Variants in POLQ observed in about 807,000 individuals in gnomAD.
The protein encoded by POLQ is DNA polymerase theta, also known as epididymis secretory sperm binding protein.
POLQ carries 233 observed loss-of-function variants against 259.2 expected under a neutral mutation model. That is an observed-to-expected ratio of 0.90 (90% CI 0.81 to 1.00). POLQ has a LOEUF of 1.00. Ranked by LOEUF, POLQ falls within the 50% of genes least tolerant of loss-of-function variation. POLQ has a pLI of 0.00. For missense variants in POLQ, 2,871 were observed against 3,051.6 expected, an observed-to-expected ratio of 0.94 and a Z score of 1.39; for synonymous variants, 1,025 against 1,048.8, an observed-to-expected ratio of 0.98 and a Z score of 0.44.
At chr3:121,542,452 A>G (rs930931747) in intron 2 of POLQ, among the ~76,000 whole-genome samples, 2 of 152,204 alleles carry the variant, frequency 1.3e-5, no homozygotes, top group African/African-American at 2.4e-5. Context: ...CATATGGTAC[A>G]AAGGCCTAGA....
At chr3:121,476,485 C>T in intron 20 of POLQ, 55 bp downstream of exon 20, 1 of 1,246,700 alleles carries the variant, frequency 8.0e-7, no homozygotes. Flanking sequence ...CACACACACA[C>T]AATCATTTTA....
intron 7 of POLQ, among the ~76,000 whole-genome samples, chr3:121,526,221 C>G (rs1283761748): frequency 6.6e-6 from 1 of 152,124 alleles, no homozygotes; most frequent in Non-Finnish European, 1.5e-5. Flanking sequence ...AAAGGCAGTC[C>G]CTTACTGGCA....
At chr3:121,479,807 T>C (rs2047957081) in intron 19 of POLQ, among the ~76,000 whole-genome samples, 1 of 152,160 alleles carries the variant, frequency 6.6e-6, no homozygotes, top group Non-Finnish European at 1.5e-5. Flanking sequence ...GTAATGGTTT[T>C]AAGGTCAAAG....
chr3:121,528,915 G>A (rs1040297743), intron 7 of POLQ, among the ~76,000 whole-genome samples: 1 of 152,052 alleles, frequency 6.6e-6, no homozygotes, highest in African/African-American at 2.4e-5. Flanking sequence ...TCATGCCATT[G>A]TATTCCAGCC....
chr3:121,479,237 A>G (rs1234455132), intron 19 of POLQ, among the ~76,000 whole-genome samples: 2 of 152,008 alleles, frequency 1.3e-5, no homozygotes, highest in African/African-American at 4.8e-5. Context: ...TCAGGCCAGG[A>G]ATAGTGGCTC....
At chr3:121,477,266 C>T (rs1295424842) in intron 19 of POLQ, among the ~76,000 whole-genome samples, 1 of 152,194 alleles carries the variant, frequency 6.6e-6, no homozygotes, top group African/African-American at 2.4e-5. Context: ...CAACCACAGA[C>T]TGCCTACATG....
chr3:121,479,568 C>T (rs9832719), intron 19 of POLQ, among the ~76,000 whole-genome samples: 3 of 152,018 alleles, frequency 2.0e-5, no homozygotes, highest in East Asian at 1.9e-4. Flanking sequence ...ATTCTCGTGC[C>T]TCAGCCTCCT....
intron 6 of POLQ, among the ~76,000 whole-genome samples, chr3:121,531,956 G>A (rs1478138805): frequency 1.3e-5 from 2 of 152,106 alleles, no homozygotes; most frequent in African/African-American, 4.8e-5. Flanking sequence ...ATGACCCTTA[G>A]CTGTTTTAGT....
intron 11 of POLQ, 112 bp downstream of exon 11, chr3:121,509,927 A>T: frequency 2.0e-6 from 2 of 984,986 alleles, no homozygotes; most frequent in South Asian, 1.6e-5. Context: ...CTGCTCAAAA[A>T]ATCAAATTCC....
intron 2 of POLQ, among the ~76,000 whole-genome samples, chr3:121,544,013 T>C (rs2048510311): frequency 6.6e-6 from 1 of 151,844 alleles, no homozygotes; most frequent in Non-Finnish European, 1.5e-5. Flanking sequence ...ATAAAAATTT[T>C]ATATAAAGTA....
chr3:121,488,759 T>A lies in POLQ; in HGVS notation c.4172A>T (p.Asp1391Val), dbSNP rs2048036699. The A allele has an allele frequency of 6.2e-7, 1 of 1,613,880 alleles. No homozygotes were observed. The highest frequency in any genetic ancestry group is 1.7e-5 in the Admixed American group (1 of 59,996). ...TTTCATAGTACCTACAGTCTTAAGG[T>A]CCAAATGATCTATCTTAGTCGCTCC... ...PLGATKIDHL[D>V]LKTVGTMKQS... is the part of the protein sequence containing the mutation. The change falls in exon 16 of 30, where the codon GAC (aspartate) becomes GTC (valine). Residue 1391 changes from aspartate to valine, a missense_variant. Transcript: ENST00000264233.
chr3:121,495,715 G>A (rs1202630201), intron 14 of POLQ, among the ~76,000 whole-genome samples: 2 of 151,388 alleles, frequency 1.3e-5, no homozygotes, highest in African/African-American at 4.9e-5. Context: ...CGGGCGTGGT[G>A]CCGGGCACCT....
intron 12 of POLQ, among the ~76,000 whole-genome samples, chr3:121,501,452 G>A (rs1576418904): frequency 6.7e-6 from 1 of 149,744 alleles, no homozygotes; most frequent in Non-Finnish European, 1.5e-5. Flanking sequence ...GAGGTCAGGA[G>A]ATCGAGACCA....
In POLQ at chr3:121,487,773, G is replaced by A. The variant is rs139982859; in HGVS notation, c.5158C>T (p.Leu1720Phe). The stretch of plus-strand genomic sequence containing the variant: ...ATATTACTTTCTTTACGAGGTAAGA[G>A]GGATGAGGTTTCATCATGATTGGCA... ...NNANHDETSS[L>F]LPRKESNIVD... The change falls in exon 16 of 30, where the codon CTC becomes TTC. Residue 1720 changes from leucine (L) to phenylalanine (F), a missense_variant. Physicochemically the swap from Leu to Phe is conservative, Grantham distance 22 (BLOSUM62 0). Around this residue, in one of 3 missense-constraint regions of POLQ, gnomAD observed 2,080 missense variants for 2,126.0 expected, o/e 0.98. Transcript: ENST00000264233. The A allele has an allele frequency of 1.3e-3, 2,031 of 1,611,702 alleles. 3 individuals are homozygous for A. The highest frequency in any genetic ancestry group is 1.3e-3 in the Non-Finnish European group (1,508 of 1,178,614).
intron 9 of POLQ, among the ~76,000 whole-genome samples, chr3:121,513,240 T>G (rs910156471): frequency 2.0e-5 from 3 of 151,814 alleles, no homozygotes; most frequent in Non-Finnish European, 4.4e-5. Context: ...TAGGATAAAG[T>G]GAAGGGATTA....
At chr3:121,538,507 G>A (rs1186420783) in intron 4 of POLQ, among the ~76,000 whole-genome samples, 2 of 146,806 alleles carry the variant, frequency 1.4e-5, no homozygotes, top group African/African-American at 5.1e-5. Flanking sequence ...GACACATGAT[G>A]TTCTTTTTCC....
chr3:121,482,732 A>G (rs1193410315), intron 18 of POLQ, among the ~76,000 whole-genome samples: 2 of 152,072 alleles, frequency 1.3e-5, no homozygotes, highest in East Asian at 1.9e-4. Flanking sequence ...CTGGATTAGA[A>G]TAAGGGAATC....
chr3:121,459,502 C>G (rs1243455417), intron 25 of POLQ, among the ~76,000 whole-genome samples: 1 of 151,672 alleles, frequency 6.6e-6, no homozygotes, highest in Admixed American at 6.6e-5. Flanking sequence ...CTGCCTCAGC[C>G]TCCCAAGTAG....
At chr3:121,537,497 G>A (rs955683495) in intron 4 of POLQ, among the ~76,000 whole-genome samples, 1 of 152,078 alleles carries the variant, frequency 6.6e-6, no homozygotes, top group Non-Finnish European at 1.5e-5. Context: ...CTATCTTTAT[G>A]TCCATGAGTA....
Sources: gnomAD v4.1 joint callset for allele counts (sites outside exome capture counted in the v4.1 genomes callset) on GRCh38, gnomAD v4.1.1 for gene constraint, gnomAD v4.1.1 regional missense constraint, MANE v1.5 for transcripts, NCBI Gene and HGNC (gene_info 2026-07-23, HGNC 2026-07-21) for gene names.